The following ANKRD16 variants were observed in gnomAD, a reference collection of about 807,000 sequenced individuals.
ANKRD16 encodes the protein ankyrin repeat domain 16, also known as ankyrin repeat domain-containing protein 16.
Under a neutral mutation model 37.9 loss-of-function variants are expected in ANKRD16, and 35 were observed. The ratio of observed to expected loss-of-function variants is 0.92; its 90% CI spans 0.71 to 1.23. The LOEUF (loss-of-function observed/expected upper bound fraction) is 1.23, where lower values mean the gene tolerates loss of function less well. ANKRD16 is among the 50% of genes most tolerant of loss of function. The pLI, the probability that ANKRD16 is intolerant of heterozygous loss-of-function variation, is 0.00. For missense variants in ANKRD16, 480 were observed against 469.9 expected (o/e 1.02, Z -0.20); for synonymous variants, 206 against 197.2 (o/e 1.04, Z -0.37).
chr10:5,887,703 C>CCCCCCCCCCCA (rs1842457124), intron 2 of ANKRD16, 144 bp downstream of exon 2: 2 of 153,066 alleles, frequency 1.3e-5, no homozygotes, highest in African/African-American at 5.1e-5. Flanking sequence ...CCACCCCCTC[C>CCCCCCCCCCCA]CCCCCAGATG....
chr10:5,878,785 CAA>C lies in ANKRD16; in HGVS notation c.929-500_929-499del, dbSNP rs55672822. Among the ~76,000 whole-genome samples the C allele has an allele frequency of 0.017, 2,077 of 121,260 alleles. 21 individuals carry two copies. The highest frequency in any genetic ancestry group is 0.043 in the African/African-American group (1,411 of 32,680). The allele number at this position is 121,260 out of a possible 152,430, so 79.6% of individuals were successfully genotyped here. On this transcript the variant is annotated intron_variant, in intron 6 of 7. Transcript: ENST00000380094. The surrounding 1 kb of genome is among the most constrained non-coding windows in gnomAD (Gnocchi z 5.1). Reference sequence around the variant, plus strand: ...TGGGTGACAGAGCAAGACTCTGCCTCAAAAAAAAAAAAAAAAGAAAAAGAAAC... The same window carrying C: ...TGGGTGACAGAGCAAGACTCTGCCTCAAAAAAAAAAAAAAGAAAAAGAAAC...
intron 2 of ANKRD16, among the ~76,000 whole-genome samples, 182 bp downstream of exon 2, chr10:5,887,665 G>C (rs531806394): frequency 5.3e-5 from 8 of 151,692 alleles, no homozygotes; most frequent in African/African-American, 1.9e-4. Context: ...GATTACAGGC[G>C]TGAGCCACTG....
rs1342083261 is a variant in ANKRD16, at chr10:5,869,883, G to A, written c.*34-7192C>T. On this transcript the variant is annotated intron_variant, in intron 7 of 7. Transcript: ENST00000380094. The surrounding 1 kb of genome is among the most constrained non-coding windows in gnomAD (Gnocchi z 4.0). ...TTGTTACCTGGGTATATCGCGTGAT[G>A]CTGAGGTCTGCAGTAAGGATCGCAT... 6.6e-6 allele frequency among the ~76,000 whole-genome samples: 1 copy of A among 152,136 alleles called. No homozygotes were observed. Among genetic ancestry groups the A allele is most frequent in the Non-Finnish European group, 1.5e-5 (1 of 68,022 alleles).
chr10:5,881,145 T>C (rs1842296301), intron 5 of ANKRD16: 1 of 858,272 alleles, frequency 1.2e-6, no homozygotes, highest in Non-Finnish European at 1.4e-6. Flanking sequence ...TCAATTCTAA[T>C]ATAAATCATT....
At position 5,872,614 on chromosome 10, in the gene ANKRD16, T is replaced by A. The variant is rs978983985; in HGVS notation, c.*33+5483A>T. 4.6e-5 allele frequency among the ~76,000 whole-genome samples: 7 copies of A among 152,210 alleles called. No homozygotes were observed. The South Asian group carries it at 1.2e-3, about 27-fold the overall frequency. ...CTCTGTTGCCCAGGCTGGAGTGCAG[T>A]GGCGCGATCTCAGCTCACTGCAAGC... On this transcript the variant is annotated intron_variant, in intron 7 of 7. Coordinates refer to ENST00000380094, the MANE Select transcript of ANKRD16 (RefSeq NM_019046.3).
intron 7 of ANKRD16, among the ~76,000 whole-genome samples, chr10:5,872,967 T>G (rs1428592713): frequency 6.6e-6 from 1 of 150,860 alleles, no homozygotes; most frequent in African/African-American, 2.4e-5. Flanking sequence ...TTCAAGCGAT[T>G]CTATGCCTCA....
intron 7 of ANKRD16, among the ~76,000 whole-genome samples, chr10:5,872,609 T>A (rs1008597282): frequency 2.0e-5 from 3 of 152,096 alleles, no homozygotes; most frequent in Admixed American, 6.5e-5. Flanking sequence ...CAGGCTGGAG[T>A]GCAGTGGCGC....
Position 5,889,134 on chromosome 10 carries a change from G to T in ANKRD16, c.221C>A (p.Pro74His). 1.3e-6 allele frequency: 2 copies of T among 1,598,338 alleles called. No individual in the cohort carries two copies. The highest frequency in any genetic ancestry group is 1.7e-6 in the Non-Finnish European group (2 of 1,179,088). Reference protein sequence around the residue: ...IEATNRDYKRPLHEAASMGHR... With the variant: ...IEATNRDYKRHLHEAASMGHR... ...GCCCATGGAGGCCGCCTCGTGCAGA[G>T]GCCGCTTGTAGTCTCGGTTGGTGGC... The change falls in exon 1 of 8, where the codon CCT becomes CAT. Residue 74 changes from proline to histidine, a missense_variant. Physicochemically the swap from Pro to His is moderately conservative, Grantham distance 77. Transcript: ENST00000380094.
At chr10:5,872,746 C>T (rs112623941) in intron 7 of ANKRD16, among the ~76,000 whole-genome samples, 2,494 of 151,760 alleles carry the variant, frequency 0.016, 99 homozygotes, top group East Asian at 0.15. Flanking sequence ...TTAGTAGAGA[C>T]GGGATTTCAC....
In ANKRD16 at chr10:5,881,438, T is replaced by TTATAAATAAATA. The variant is rs1422263395; in HGVS notation, c.850-1063_850-1062insTATTTATTTATA. 8.0e-4 allele frequency among the ~76,000 whole-genome samples: 41 copies of TTATAAATAAATA among 51,002 alleles called. 1 individual carries two copies. The highest frequency in any genetic ancestry group is 5.8e-3 in the East Asian group (10 of 1,726). 33.5% of individuals were successfully genotyped at this position (51,002 alleles called of 152,430 possible). Reference sequence around the variant, plus strand: ...ATATTTTATAAAATAAAAATATTATTTATATATATATATATATATATATAT... The same window carrying TTATAAATAAATA: ...ATATTTTATAAAATAAAAATATTATTTATAAATAAATATATATATATATATATATATATATAT... On this transcript the variant is annotated intron_variant, in intron 5 of 7. Transcript: ENST00000380094.
In ANKRD16 at chr10:5,866,128, G is replaced by A. The variant is rs887425118; in HGVS notation, c.*34-3437C>T. Among the ~76,000 whole-genome samples, 1 of 152,168 alleles carries A rather than the reference G, an allele frequency of 6.6e-6. No individual in the cohort carries two copies. The highest frequency in any genetic ancestry group is 2.4e-5 in the African/African-American group (1 of 41,424). On this transcript the variant is annotated intron_variant, in intron 7 of 7. Coordinates refer to ENST00000380094, the MANE Select transcript of ANKRD16 (RefSeq NM_019046.3). The surrounding 1 kb of genome is among the most constrained non-coding windows in gnomAD (Gnocchi z 4.3). ...CATAATAGGTGCCAAAGGAAGTTAT[G>A]GCTATCAGACAACCGCCTACCTAGA...
chr10:5,874,469 A>G lies in ANKRD16; in HGVS notation c.*33+3628T>C, dbSNP rs1325722360. ...GCTGCCACTCTCTAGGAGGAGAGTG[A>G]GAGAGCTTGGGCAGGAGTCGCAGTA... is the stretch of plus-strand genomic sequence containing the variant. On this transcript the variant is annotated intron_variant, in intron 7 of 7. Transcript: ENST00000380094. The surrounding 1 kb of genome is among the most constrained non-coding windows in gnomAD (Gnocchi z 4.7). 6.6e-6 allele frequency among the ~76,000 whole-genome samples: 1 copy of G among 152,140 alleles called. No homozygotes were observed. The highest frequency in any genetic ancestry group is 1.9e-4 in the East Asian group (1 of 5,192).
In ANKRD16 at chr10:5,872,852, G is replaced by A. The variant is rs559944517; in HGVS notation, c.*33+5245C>T. 2.3e-3 allele frequency among the ~76,000 whole-genome samples: 331 copies of A among 145,816 alleles called. 1 individual carries two copies. The highest frequency in any genetic ancestry group is 4.1e-3 in the Middle Eastern group (1 of 246). The stretch of plus-strand genomic sequence containing the variant: ...ATTACAGGCGTGAGCCACCGCGCCC[G>A]GCCCTGCATTTTATTTTTTATTTCT... On this transcript the variant is annotated intron_variant, in intron 7 of 7. Coordinates refer to ENST00000380094, the MANE Select transcript of ANKRD16 (RefSeq NM_019046.3).
rs1197872873 is a variant in ANKRD16 at position 5,869,010 on chromosome 10, C to G, written c.*34-6319G>C. On this transcript the variant is annotated intron_variant, in intron 7 of 7. Transcript: ENST00000380094. The surrounding 1 kb of genome is among the most constrained non-coding windows in gnomAD (Gnocchi z 4.0). ...GGACAAGTTTGTCCAACCTGTGGCC[C>G]AGGTGGCTTTGAATGTGGCCCAACA... Among the ~76,000 whole-genome samples, 1 of 152,094 alleles carries G rather than the reference C, an allele frequency of 6.6e-6. No individual in the cohort carries two copies. Among genetic ancestry groups the G allele is most frequent in the African/African-American group, 2.4e-5 (1 of 41,408 alleles).
intron 7 of ANKRD16, among the ~76,000 whole-genome samples, chr10:5,872,758 G>T (rs9424019): frequency 4.6e-5 from 7 of 151,852 alleles, no homozygotes; most frequent in South Asian, 2.1e-4. Context: ...GGATTTCACC[G>T]TGTTAGCCAA....
At chr10:5,885,974 A>G (rs562831240) in intron 2 of ANKRD16, among the ~76,000 whole-genome samples, 41 of 152,374 alleles carry the variant, frequency 2.7e-4, no homozygotes, top group Non-Finnish European at 4.7e-4. Flanking sequence ...ATATGTACAC[A>G]GCCAACACTT....
At chr10:5,877,341 G>A (rs1009505444) in intron 7 of ANKRD16, among the ~76,000 whole-genome samples, 1 of 152,190 alleles carries the variant, frequency 6.6e-6, no homozygotes, top group African/African-American at 2.4e-5. Context: ...TTGAACTCCC[G>A]GCCTCAAGTG....
rs1241580188 is a variant in ANKRD16 at position 5,889,316 on chromosome 10, C to T, written c.39G>A (p.Leu13=). The change falls in exon 1 of 8, where the codon CTG becomes CTA. Residue 13 remains leucine, a synonymous_variant. Coordinates refer to ENST00000380094, the MANE Select transcript of ANKRD16 (RefSeq NM_019046.3). ...GGGCGCGCAGCCGGCCCTCCTGCACCAGCCTGCAGAGGCGCCGCGGGTCCC... is the reference window on the plus strand; with the variant it reads ...GGGCGCGCAGCCGGCCCTCCTGCACTAGCCTGCAGAGGCGCCGCGGGTCCC... ...QPGDPRRLCR[L]VQEGRLRALK... The T allele has an allele frequency of 7.7e-7, 1 of 1,298,826 alleles. No individual in the cohort carries two copies. The highest frequency in any genetic ancestry group is 9.7e-7 in the Non-Finnish European group (1 of 1,027,208). 80.5% of individuals were successfully genotyped at this position (1,298,826 alleles called of 1,614,324 possible). A position where few individuals can be genotyped will look rare whatever the true frequency, so the allele number is the denominator to read the frequency against.
chr10:5,885,638 G>C, intron 3 of ANKRD16, 85 bp downstream of exon 3: 1 of 1,436,828 alleles, frequency 7.0e-7, no homozygotes, highest in Non-Finnish European at 9.6e-7. Flanking sequence ...TCTTAAAAAT[G>C]TGTCTGAGCT....
Sources: allele counts gnomAD v4.1 joint callset (sites outside exome capture counted in the v4.1 genomes callset), GRCh38; gene constraint gnomAD v4.1.1; non-coding constraint Gnocchi (gnomAD v3.1); transcripts MANE v1.5; gene names NCBI Gene and HGNC (gene_info 2026-07-23, HGNC 2026-07-21).